Variants in CFHR4 observed in about 807,000 individuals in gnomAD.
The protein encoded by CFHR4 is complement factor H-related protein 4.
Under a neutral mutation model 69.3 loss-of-function variants are expected in CFHR4, and 64 were observed. The observed-to-expected ratio is 0.92, with a 90% CI of 0.76 to 1.14. The LOEUF is 1.14. Among genes scored for constraint, CFHR4 ranks in the 50% most tolerant of loss-of-function variants. CFHR4 has a pLI of 0.00. For synonymous variants in CFHR4, 244 were observed against 237.0 expected, an observed-to-expected ratio of 1.03 and a Z score of -0.27; for missense variants, 636 against 684.9, an observed-to-expected ratio of 0.93 and a Z score of 0.80.
At chr1:196,895,796 T>C in intron 1 of CFHR4, among the ~76,000 whole-genome samples, 1 of 151,578 alleles carries the variant, frequency 6.6e-6, no homozygotes, top group East Asian at 1.9e-4. Flanking sequence ...TAATAGGCCA[T>C]ACTTTCCTAT....
intron 5 of CFHR4, among the ~76,000 whole-genome samples, chr1:196,907,823 C>T (rs1461129674): frequency 6.6e-6 from 1 of 151,326 alleles, no homozygotes; most frequent in African/African-American, 2.4e-5. Context: ...ACCATTTTCA[C>T]ATTATTAATA....
chr1:196,902,946 T>C (rs1309175090), intron 2 of CFHR4, among the ~76,000 whole-genome samples: 1 of 151,612 alleles, frequency 6.6e-6, no homozygotes, highest in Non-Finnish European at 1.5e-5. Context: ...TCAGTATTGA[T>C]GCAGTCTTAT....
chr1:196,904,859 C>A (rs1027848734), intron 2 of CFHR4, among the ~76,000 whole-genome samples: 1 of 151,564 alleles, frequency 6.6e-6, no homozygotes, highest in African/African-American at 2.4e-5. Context: ...GCTAGATCTG[C>A]ATTCCTCAAG....
chr1:196,897,338 C>A (rs949749707), intron 1 of CFHR4, among the ~76,000 whole-genome samples: 17 of 151,396 alleles, frequency 1.1e-4, no homozygotes, highest in Admixed American at 7.9e-4. Context: ...GTACAGACGC[C>A]CAAGTGGACG....
intron 6 of CFHR4, 146 bp downstream of exon 6, chr1:196,910,624 T>G: frequency 1.6e-6 from 1 of 617,638 alleles, no homozygotes; most frequent in Non-Finnish European, 2.8e-6. Context: ...CTAGATCTTT[T>G]CTGTTATGAG....
chr1:196,899,330 T>C (rs1657473295), intron 1 of CFHR4, among the ~76,000 whole-genome samples: 1 of 151,612 alleles, frequency 6.6e-6, no homozygotes. Flanking sequence ...GGTCTTCCTC[T>C]GTTGCCCAGG....
Position 196,915,031 on chromosome 1 carries a change from T to C in CFHR4, c.1433T>C (p.Val478Ala). 2 of 1,613,274 alleles carry C rather than the reference T, an allele frequency of 1.2e-6. No individual in the cohort carries two copies. Among genetic ancestry groups the C allele is most frequent in the Non-Finnish European group, 1.7e-6 (2 of 1,179,878 alleles). The change falls in exon 9 of 10, where the codon GTG (valine) becomes GCG (alanine). Residue 478 changes from valine to alanine, a missense_variant. Transcript: ENST00000608469. ...ACCTCCTTTCTACTAAAAGTGTATG[T>C]GCCACAGTCAAGAGTCGAGTACCAA... ...DTTSFLLKVY[V>A]PQSRVEYQCQ...
chr1:196,908,408 T>G (rs970411857), intron 5 of CFHR4, among the ~76,000 whole-genome samples: 1 of 151,528 alleles, frequency 6.6e-6, no homozygotes, highest in Non-Finnish European at 1.5e-5. Flanking sequence ...CTCTGATTAT[T>G]GTTTTTTTCT....
At chr1:196,907,289 T>C (rs773026933) in intron 4 of CFHR4, 27 bp from the exon 5 acceptor site, 4 of 1,579,564 alleles carry the variant, frequency 2.5e-6, no homozygotes, top group Non-Finnish European at 3.5e-6. Context: ...TGTTGATTTT[T>C]CCCCAATGTA....
chr1:196,900,465 T>C (rs1057325847), intron 1 of CFHR4, among the ~76,000 whole-genome samples: 3 of 151,346 alleles, frequency 2.0e-5, no homozygotes, highest in African/African-American at 7.3e-5. Flanking sequence ...ATACTTCCTT[T>C]TTGATTTTTT....
chr1:196,902,358 T>A (rs1218359270), intron 1 of CFHR4, 60 bp from the exon 2 acceptor site: 3 of 1,147,818 alleles, frequency 2.6e-6, no homozygotes, highest in Non-Finnish European at 3.8e-6. Flanking sequence ...AAAAATGTCA[T>A]ATATGATTAT....
At chr1:196,901,354 C>G (rs963323284) in intron 1 of CFHR4, among the ~76,000 whole-genome samples, 15 of 151,190 alleles carry the variant, frequency 9.9e-5, no homozygotes, top group Admixed American at 7.3e-4. Context: ...AATGAAGATA[C>G]TTAAGAGATG....
chr1:196,913,376 A>G (rs1658389003), intron 7 of CFHR4, among the ~76,000 whole-genome samples: 4 of 151,426 alleles, frequency 2.6e-5, no homozygotes, highest in Non-Finnish European at 5.9e-5. Context: ...TCAGACCGTA[A>G]TAATTTGTAT....
In CFHR4 at chr1:196,911,255, T is replaced by C. The variant is rs990087768; in HGVS notation, c.997+777T>C. ...AATGTGTCTGAATACATTTATAATT[T>C]CTGGATAATGAGTGGATTCTGTCAC... On this transcript the variant is annotated intron_variant, in intron 6 of 9. Transcript: ENST00000608469. Among the ~76,000 whole-genome samples, 5 of 151,576 alleles carry C rather than the reference T, an allele frequency of 3.3e-5. 1 individual carries two copies. Among genetic ancestry groups the C allele is most frequent in the African/African-American group, 1.2e-4 (5 of 41,088 alleles).
chr1:196,893,625 C>T (rs1205728165), intron 1 of CFHR4, among the ~76,000 whole-genome samples: 1 of 151,292 alleles, frequency 6.6e-6, no homozygotes, highest in African/African-American at 2.4e-5. Context: ...CACAATTGAG[C>T]GATCTTCACT....
In CFHR4 at chr1:196,910,150, TA is replaced by T. The variant is rs368112020; in HGVS notation, c.800-116del. On this transcript the variant is annotated intron_variant, in intron 5 of 9. Transcript: ENST00000608469. ...CTGGGAGACAGAGCGAAATTTCATC[TA>T]AAAAAAAAAAAAAAGTAAAGAAAAA... 74,712 of 412,252 alleles carry T rather than the reference TA, an allele frequency of 0.18. 28 individuals carry two copies. Among genetic ancestry groups the T allele is most frequent in the Middle Eastern group, 0.22 (310 of 1,420 alleles). The allele number at this position is 412,252 out of a possible 1,614,324, so 25.5% of individuals were successfully genotyped here.
chr1:196,911,811 T>C lies in CFHR4; in HGVS notation c.998-929T>C, dbSNP rs1480800768. Among the ~76,000 whole-genome samples the C allele has an allele frequency of 4.0e-5, 6 of 151,486 alleles. 1 individual carries two copies. Among genetic ancestry groups the C allele is most frequent in the Non-Finnish European group, 5.9e-5 (4 of 67,944 alleles). ...AAATATTGTTGTGTGTCAAGCACTTTATAGGTATTGAAAATAAAACTGTTT... is the reference window on the plus strand; with the variant it reads ...AAATATTGTTGTGTGTCAAGCACTTCATAGGTATTGAAAATAAAACTGTTT... On this transcript the variant is annotated intron_variant, in intron 6 of 9. Transcript: ENST00000608469.
intron 5 of CFHR4, 54 bp from the exon 6 acceptor site, chr1:196,910,227 C>A (rs1444662400): frequency 5.1e-6 from 5 of 980,344 alleles, no homozygotes; most frequent in South Asian, 4.3e-5. Flanking sequence ...TCTCTTATAT[C>A]ATTGTCTGTT....
chr1:196,910,167 T>G lies in CFHR4; in HGVS notation c.800-114T>G, dbSNP rs1014153194. 1.0e-3 allele frequency: 642 copies of G among 634,458 alleles called. 15 individuals are homozygous for G. The African/African-American group carries it at 0.012, about 12-fold the overall frequency. The allele number at this position is 634,458 out of a possible 1,614,324, so 39.3% of individuals were successfully genotyped here. A position where few individuals can be genotyped will look rare whatever the true frequency, so the allele number is the denominator to read the frequency against. ...ATTTCATCTAAAAAAAAAAAAAAAG[T>G]AAAGAAAAAAAAAAACATTATTTGG... is the stretch of plus-strand genomic sequence containing the variant. On this transcript the variant is annotated intron_variant, in intron 5 of 9. Coordinates refer to ENST00000608469, the MANE Select transcript of CFHR4 (RefSeq NM_001201550.3).
Sources: allele counts gnomAD v4.1 joint callset (sites outside exome capture counted in the v4.1 genomes callset), GRCh38; gene constraint gnomAD v4.1.1; transcripts MANE v1.5; gene names NCBI Gene and HGNC (gene_info 2026-07-23, HGNC 2026-07-21).